Variants in RASAL2 observed in about 807,000 individuals in gnomAD.
RASAL2 encodes the protein RAS protein activator like 2, also known as ras GTPase-activating protein nGAP.
In RASAL2, 58 loss-of-function variants were observed where a neutral mutation model predicts 128.9. The ratio of observed to expected loss-of-function variants is 0.45; its 90% CI spans 0.36 to 0.56. The LOEUF (loss-of-function observed/expected upper bound fraction) is 0.56. Ranked by LOEUF, RASAL2 falls within the 20% of genes least tolerant of loss-of-function variation. The pLI, the probability that RASAL2 is intolerant of heterozygous loss-of-function variation, is 0.00. For synonymous variants in RASAL2, 561 were observed against 580.8 expected (o/e 0.97, Z 0.49); for missense variants, 1,360 against 1,601.6 (o/e 0.85, Z 2.57).
chr1:178,354,300 A>G (rs917906401), intron 3 of RASAL2, among the ~76,000 whole-genome samples: 1 of 152,238 alleles, frequency 6.6e-6, no homozygotes, highest in Non-Finnish European at 1.5e-5. Context: ...ATAAAATTTA[A>G]CAACTATTCA....
At chr1:178,409,357 T>C (rs767601238) in intron 4 of RASAL2, among the ~76,000 whole-genome samples, 1 of 152,118 alleles carries the variant, frequency 6.6e-6, no homozygotes, top group Non-Finnish European at 1.5e-5. Context: ...GTGCTAGATG[T>C]AAGGCTAGCT....
chr1:178,175,437 C>CGTGT (rs1158552851), intron 1 of RASAL2, among the ~76,000 whole-genome samples: 14,809 of 144,240 alleles, frequency 0.1, 1,096 homozygotes, highest in African/African-American at 0.21. Context: ...TACATGGTTA[C>CGTGT]GTGTGTGTGT....
chr1:178,441,449 G>C (rs1432572844), intron 6 of RASAL2, 100 bp from the exon 7 acceptor site: 1 of 761,464 alleles, frequency 1.3e-6, no homozygotes, highest in Admixed American at 2.3e-5. Flanking sequence ...AGGACATTTC[G>C]ACCTTATCAT....
intron 1 of RASAL2, among the ~76,000 whole-genome samples, chr1:178,172,119 T>C (rs1661725911): frequency 6.6e-6 from 1 of 152,028 alleles, no homozygotes; most frequent in African/African-American, 2.4e-5. Flanking sequence ...AGGTTGTCCA[T>C]GAAAAATTAA....
chr1:178,127,259 T>C (rs1659934846), intron 1 of RASAL2, among the ~76,000 whole-genome samples: 1 of 152,156 alleles, frequency 6.6e-6, no homozygotes, highest in South Asian at 2.1e-4. Flanking sequence ...ATTTATTAAG[T>C]TCAGTGTTTT....
intron 5 of RASAL2, among the ~76,000 whole-genome samples, chr1:178,430,101 G>A (rs777856463): frequency 6.6e-5 from 10 of 152,126 alleles, no homozygotes; most frequent in Non-Finnish European, 1.5e-4. Flanking sequence ...CTAGCACAAT[G>A]ACTGTCCTAT....
At chr1:178,202,589 A>G (rs1244756751) in intron 1 of RASAL2, among the ~76,000 whole-genome samples, 5 of 152,220 alleles carry the variant, frequency 3.3e-5, no homozygotes, top group Non-Finnish European at 7.3e-5. Context: ...ATACTGAGTC[A>G]TGGGCTATAG....
At chr1:178,139,856 T>A (rs1053821684) in intron 1 of RASAL2, among the ~76,000 whole-genome samples, 1 of 152,076 alleles carries the variant, frequency 6.6e-6, no homozygotes, top group Non-Finnish European at 1.5e-5. Flanking sequence ...AAAGTCAGGG[T>A]ACCTTTTAAT....
intron 1 of RASAL2, among the ~76,000 whole-genome samples, chr1:178,185,859 GTC>G (rs1169934568): frequency 6.6e-6 from 1 of 152,116 alleles, no homozygotes; most frequent in African/African-American, 2.4e-5. Context: ...TTCTTGTAAT[GTC>G]TCTCTCTGGT....
chr1:178,313,469 T>G (rs1668354931), intron 3 of RASAL2, among the ~76,000 whole-genome samples: 1 of 152,022 alleles, frequency 6.6e-6, no homozygotes, highest in African/African-American at 2.4e-5. Flanking sequence ...TAGAACCAGT[T>G]GACTCTAAAC....
chr1:178,413,170 G>A (rs1674525246), intron 4 of RASAL2, among the ~76,000 whole-genome samples: 1 of 152,142 alleles, frequency 6.6e-6, no homozygotes, highest in African/African-American at 2.4e-5. Context: ...ATGTTGGCCA[G>A]GCTGGTCTCA....
chr1:178,268,566 AG>A (rs1480700091), intron 1 of RASAL2, among the ~76,000 whole-genome samples: 7 of 152,060 alleles, frequency 4.6e-5, no homozygotes, highest in Non-Finnish European at 1.0e-4. Context: ...GGTCACAATG[AG>A]CTATGATCAC....
intron 3 of RASAL2, among the ~76,000 whole-genome samples, chr1:178,342,539 C>G (rs1669939762): frequency 6.6e-6 from 1 of 151,958 alleles, no homozygotes; most frequent in African/African-American, 2.4e-5. Context: ...TGCTCTTGAC[C>G]AAAACCAAAA....
At chr1:178,220,166 G>A (rs1460406649) in intron 1 of RASAL2, among the ~76,000 whole-genome samples, 2 of 152,148 alleles carry the variant, frequency 1.3e-5, no homozygotes, top group African/African-American at 4.8e-5. Context: ...TGTATAGGCT[G>A]CAGATCCTTG....
In RASAL2 at chr1:178,465,811, GA is replaced by G. The variant is rs1558013011; in HGVS notation, c.3388-103del. ...TTAGGGTTTCTTTTGTTAAAAAAAA[GA>G]AAAAAGAAAAAGAAAAAAAGAAAGA... On this transcript the variant is annotated intron_variant, in intron 15 of 17. Coordinates refer to ENST00000367649, the MANE Select transcript of RASAL2 (RefSeq NM_170692.4). 4.8e-5 allele frequency: 51 copies of G among 1,070,748 alleles called. No homozygotes were observed. In the African/African-American group the frequency reaches 6.1e-4, roughly 13 times the overall value. The allele number at this position is 1,070,748 out of a possible 1,614,324, so 66.3% of individuals were successfully genotyped here.
At chr1:178,245,699 A>G (rs762508763) in intron 1 of RASAL2, among the ~76,000 whole-genome samples, 1 of 152,096 alleles carries the variant, frequency 6.6e-6, no homozygotes, top group African/African-American at 2.4e-5. Flanking sequence ...TTACGGTTTT[A>G]GGTTTTACAT....
chr1:178,160,676 C>G (rs1558087718), intron 1 of RASAL2, among the ~76,000 whole-genome samples: 1 of 152,034 alleles, frequency 6.6e-6, no homozygotes, highest in Non-Finnish European at 1.5e-5. Flanking sequence ...TATATTGAGT[C>G]CATCTTTATT....
intron 17 of RASAL2, among the ~76,000 whole-genome samples, chr1:178,470,267 G>A (rs543264624): frequency 1.3e-5 from 2 of 152,318 alleles, no homozygotes; most frequent in Admixed American, 6.5e-5. Flanking sequence ...TACCAGCCAG[G>A]TGCCCAGTAA....
intron 3 of RASAL2, among the ~76,000 whole-genome samples, chr1:178,343,303 A>G (rs1233748336): frequency 2.0e-5 from 3 of 152,200 alleles, no homozygotes; most frequent in African/African-American, 7.2e-5. Context: ...TACCAAGTGA[A>G]TTCTCCACCC....
Sources: allele counts gnomAD v4.1 joint callset (sites outside exome capture counted in the v4.1 genomes callset), GRCh38; gene constraint gnomAD v4.1.1; transcripts MANE v1.5; gene names NCBI Gene and HGNC (gene_info 2026-07-23, HGNC 2026-07-21).